The following CGGBP1 variants were observed in gnomAD, a reference collection of about 807,000 sequenced individuals.
CGGBP1 encodes the protein CGG triplet repeat-binding protein 1.
In CGGBP1, 4 loss-of-function variants were observed where a neutral mutation model predicts 11.4. The observed-to-expected ratio is 0.35, with a 90% CI of 0.17 to 0.80. The LOEUF (loss-of-function observed/expected upper bound fraction) is 0.80. Among genes scored for constraint, CGGBP1 ranks in the 30% least tolerant of loss-of-function variants. The pLI, the probability that CGGBP1 is intolerant of heterozygous loss-of-function variation, is 0.52. For missense variants in CGGBP1, 135 were observed against 202.1 expected, an observed-to-expected ratio of 0.67 and a Z score of 2.01; for synonymous variants, 76 against 74.1, an observed-to-expected ratio of 1.03 and a Z score of -0.13.
At chr3:88,117,051 T>C (rs917511875) in intron 2 of CGGBP1, among the ~76,000 whole-genome samples, 4 of 152,104 alleles carry the variant, frequency 2.6e-5, no homozygotes, top group African/African-American at 9.7e-5. Context: ...ATATCTTCCA[T>C]GAATATAAGT....
intron 2 of CGGBP1, among the ~76,000 whole-genome samples, chr3:88,068,662 T>C (rs1707335297): frequency 6.6e-6 from 1 of 152,194 alleles, no homozygotes; most frequent in African/African-American, 2.4e-5. Flanking sequence ...TATATATGTA[T>C]ATAACTCATT....
intron 2 of CGGBP1, among the ~76,000 whole-genome samples, chr3:88,121,798 C>G (rs1348191956): frequency 6.6e-6 from 1 of 152,010 alleles, no homozygotes; most frequent in Non-Finnish European, 1.5e-5. Flanking sequence ...ACATTTTTGT[C>G]TTAATTTGCT....
chr3:88,060,844 A>G (rs960672863), upstream of CGGBP1, among the ~76,000 whole-genome samples: 1 of 152,110 alleles, frequency 6.6e-6, no homozygotes, highest in African/African-American at 2.4e-5. Flanking sequence ...CCTTACAAGC[A>G]TTGAAAGAAA....
chr3:88,142,657 G>C (rs1707188973), intron 1 of CGGBP1: 1 of 152,236 alleles, frequency 6.6e-6, no homozygotes, highest in Non-Finnish European at 1.5e-5. Context: ...CTAAGAATCA[G>C]GTTGAGAAAT....
chr3:88,101,617 C>A (rs1031012363), intron 2 of CGGBP1, among the ~76,000 whole-genome samples: 3 of 151,984 alleles, frequency 2.0e-5, no homozygotes, highest in Non-Finnish European at 4.4e-5. Flanking sequence ...AGATTACTTC[C>A]AGTTTTGGGC....
At chr3:88,090,892 T>C (rs1708597794) in intron 2 of CGGBP1, among the ~76,000 whole-genome samples, 3 of 152,180 alleles carry the variant, frequency 2.0e-5, no homozygotes, top group African/African-American at 7.2e-5. Flanking sequence ...GATTACGTAA[T>C]GTTTTAAGAA....
intron 2 of CGGBP1, among the ~76,000 whole-genome samples, chr3:88,125,946 C>T (rs1706074152): frequency 6.6e-6 from 1 of 152,074 alleles, no homozygotes; most frequent in Non-Finnish European, 1.5e-5. Context: ...GCTGTATAAC[C>T]TTTGGCATTA....
intron 2 of CGGBP1, among the ~76,000 whole-genome samples, chr3:88,088,737 C>A (rs1708467462): frequency 7.1e-6 from 1 of 141,378 alleles, no homozygotes; most frequent in African/African-American, 2.6e-5. Flanking sequence ...TAAAAAAAAA[C>A]CTTTATTTAT....
At chr3:88,146,801 T>A (rs1363783656) in intron 1 of CGGBP1, among the ~76,000 whole-genome samples, 1 of 152,176 alleles carries the variant, frequency 6.6e-6, no homozygotes, top group East Asian at 1.9e-4. Context: ...ATAACCACTT[T>A]GTCAGAAAGC....
chr3:88,057,715 T>C (rs920407223), intron 2 of CGGBP1: 3 of 152,228 alleles, frequency 2.0e-5, no homozygotes, highest in Admixed American at 6.5e-5. Flanking sequence ...TCAAAAACAA[T>C]AAGCATGTAA....
At chr3:88,074,074 A>G (rs1243576010) in intron 2 of CGGBP1, among the ~76,000 whole-genome samples, 1 of 152,206 alleles carries the variant, frequency 6.6e-6, no homozygotes, top group Non-Finnish European at 1.5e-5. Flanking sequence ...CCACAAAAAT[A>G]AGAATCTACC....
intron 2 of CGGBP1, chr3:88,128,843 C>A: frequency 6.5e-7 from 1 of 1,535,332 alleles, no homozygotes; most frequent in South Asian, 1.2e-5. Flanking sequence ...ATCCACTGTT[C>A]TTTGAACTAC....
At chr3:88,089,660 G>A (rs1041252364) in intron 2 of CGGBP1, among the ~76,000 whole-genome samples, 3 of 151,974 alleles carry the variant, frequency 2.0e-5, no homozygotes, top group African/African-American at 4.8e-5. Flanking sequence ...ATTCTTTCAG[G>A]GCTGTTGACA....
upstream of CGGBP1, among the ~76,000 whole-genome samples, chr3:88,061,926 T>C (rs139626934): frequency 2.0e-5 from 3 of 152,334 alleles, no homozygotes. Flanking sequence ...AGAAAGGCTC[T>C]GGTTTATCTT....
chr3:88,124,194 A>C (rs535542258), intron 2 of CGGBP1, among the ~76,000 whole-genome samples: 9 of 152,320 alleles, frequency 5.9e-5, no homozygotes, highest in Non-Finnish European at 1.2e-4. Context: ...TGTTCCAAGC[A>C]CTTTCTAGTA....
At chr3:88,116,932 T>C (rs2107783162) in intron 2 of CGGBP1, among the ~76,000 whole-genome samples, 1 of 152,272 alleles carries the variant, frequency 6.6e-6, no homozygotes, top group Non-Finnish European at 1.5e-5. Context: ...TAAAGATGAC[T>C]AAAGAGGATA....
intron 2 of CGGBP1, among the ~76,000 whole-genome samples, chr3:88,120,768 CTAAAA>C (rs1329107121): frequency 1.3e-5 from 2 of 151,138 alleles, no homozygotes; most frequent in Non-Finnish European, 2.9e-5. Flanking sequence ...AAGGATGAAA[CTAAAA>C]TAATGTTTTA....
At chr3:88,130,630 T>TTC (rs1013564129) in intron 2 of CGGBP1, among the ~76,000 whole-genome samples, 16 of 150,496 alleles carry the variant, frequency 1.1e-4, no homozygotes, top group African/African-American at 3.2e-4. Flanking sequence ...TTTTTTTTTT[T>TTC]TTTTTGGTAG....
intron 1 of CGGBP1, among the ~76,000 whole-genome samples, chr3:88,058,525 G>A (rs1487644459): frequency 6.6e-6 from 1 of 152,184 alleles, no homozygotes; most frequent in Non-Finnish European, 1.5e-5. Flanking sequence ...GCCAAGCCCA[G>A]CACGCCGGCG....
Sources: allele counts gnomAD v4.1 joint callset (sites outside exome capture counted in the v4.1 genomes callset), GRCh38; gene constraint gnomAD v4.1.1; transcripts MANE v1.5; gene names NCBI Gene and HGNC (gene_info 2026-07-23, HGNC 2026-07-21).